PREP: variants seen among roughly 807,000 people sequenced by gnomAD.
PREP encodes prolyl endopeptidase, also known as dJ355L5.1 (prolyl endopeptidase).
PREP carries 29 observed loss-of-function variants against 87.6 expected under a neutral mutation model. That is an observed-to-expected ratio of 0.33 (90% CI 0.25 to 0.45). The LOEUF (loss-of-function observed/expected upper bound fraction) is 0.45. PREP is among the 20% of genes least tolerant of loss of function. The probability of loss-of-function intolerance (pLI) is 1.00; values close to 1 mark genes in which losing one functional copy is unlikely to be tolerated. For synonymous variants in PREP, 337 were observed against 328.6 expected (o/e 1.03, Z -0.28); for missense variants, 695 against 886.5 (o/e 0.78, Z 2.74).
intron 2 of PREP, among the ~76,000 whole-genome samples, chr6:105,392,524 G>C (rs1255391509): frequency 1.3e-5 from 2 of 152,006 alleles, no homozygotes; most frequent in African/African-American, 4.8e-5. Flanking sequence ...CTTACTTTTG[G>C]CGTTTAGTTT....
At chr6:105,329,765 G>A (rs994804458) in intron 8 of PREP, among the ~76,000 whole-genome samples, 3 of 152,226 alleles carry the variant, frequency 2.0e-5, no homozygotes, top group Non-Finnish European at 4.4e-5. Flanking sequence ...AGATGAGGTC[G>A]ATTCTGCTCG....
At chr6:105,314,736 A>T (rs1770826440) in intron 10 of PREP, among the ~76,000 whole-genome samples, 1 of 152,308 alleles carries the variant, frequency 6.6e-6, no homozygotes, top group Middle Eastern at 3.4e-3. Context: ...AACCTCTTCC[A>T]AACTCATGTT....
intron 11 of PREP, 25 bp downstream of exon 11, chr6:105,288,733 C>G (rs1344610454): frequency 6.2e-7 from 1 of 1,611,312 alleles, no homozygotes; most frequent in East Asian, 2.2e-5. Flanking sequence ...AAAATACTGG[C>G]ACTCTGAGTG....
intron 2 of PREP, among the ~76,000 whole-genome samples, chr6:105,393,066 A>G (rs867877951): frequency 6.6e-6 from 1 of 152,350 alleles, no homozygotes; most frequent in Middle Eastern, 3.4e-3. Flanking sequence ...TTTTCACAAG[A>G]GCAGAAAAGC....
intron 7 of PREP, among the ~76,000 whole-genome samples, chr6:105,343,327 T>G (rs1386909646): frequency 3.6e-4 from 55 of 152,310 alleles, no homozygotes; most frequent in African/African-American, 1.0e-3. Flanking sequence ...TAGCCATATG[T>G]AGAAAGCTGA....
At chr6:105,338,758 A>G (rs1448772040) in intron 7 of PREP, among the ~76,000 whole-genome samples, 1 of 152,218 alleles carries the variant, frequency 6.6e-6, no homozygotes, top group Non-Finnish European at 1.5e-5. Flanking sequence ...CCTGGCTCGG[A>G]GGGTCCCACG....
Position 105,326,500 on chromosome 6 carries a change from CAG to C in PREP, c.1213+2327_1213+2328del, listed in dbSNP as rs1213771954. On this transcript the variant is annotated intron_variant, in intron 9 of 14. Coordinates refer to ENST00000652536, the MANE Select transcript of PREP (RefSeq NM_002726.5). ...ACAAAGTCAGCTGGTGTGCACCTGC[CAG>C]AGTTATCAAATGTCTGCAGCAGGAA... is the stretch of plus-strand genomic sequence containing the variant. Among the ~76,000 whole-genome samples, 6 of 152,302 alleles carry C rather than the reference CAG, an allele frequency of 3.9e-5. No individual in the cohort carries two copies. In the East Asian group the frequency reaches 5.8e-4, roughly 15 times the overall value.
At chr6:105,348,878 CAA>C (rs1300160085) in intron 7 of PREP, among the ~76,000 whole-genome samples, 17 of 92,258 alleles carry the variant, frequency 1.8e-4, no homozygotes, top group Non-Finnish European at 1.6e-4. Context: ...GATTCCGTCT[CAA>C]AAAAAAAAAA....
chr6:105,348,092 C>T (rs969299180), intron 7 of PREP, among the ~76,000 whole-genome samples: 1 of 152,096 alleles, frequency 6.6e-6, no homozygotes, highest in African/African-American at 2.4e-5. Context: ...AACTAAAAAA[C>T]GTCATGCTAG....
chr6:105,401,138 A>G (rs1467036624), intron 1 of PREP, among the ~76,000 whole-genome samples: 2 of 152,220 alleles, frequency 1.3e-5, no homozygotes, highest in Non-Finnish European at 2.9e-5. Flanking sequence ...GTTGTTTATA[A>G]TCTTTTAGAC....
At chr6:105,290,177 G>A (rs1349121816) in intron 10 of PREP, among the ~76,000 whole-genome samples, 1 of 152,168 alleles carries the variant, frequency 6.6e-6, no homozygotes, top group Non-Finnish European at 1.5e-5. Flanking sequence ...AGGGGATACA[G>A]TTTTATTTAA....
At chr6:105,290,386 C>A (rs17546638) in intron 10 of PREP, among the ~76,000 whole-genome samples, 3 of 152,108 alleles carry the variant, frequency 2.0e-5, no homozygotes, top group African/African-American at 7.2e-5. Context: ...GCGAGCAAAC[C>A]GTCTCACATG....
chr6:105,339,348 G>T (rs2114666487), intron 7 of PREP, among the ~76,000 whole-genome samples: 1 of 152,182 alleles, frequency 6.6e-6, no homozygotes, highest in Non-Finnish European at 1.5e-5. Flanking sequence ...AAAACAAACA[G>T]AAAGGACACC....
At chr6:105,287,669 C>T (rs572320827) in intron 11 of PREP, among the ~76,000 whole-genome samples, 2 of 152,280 alleles carry the variant, frequency 1.3e-5, no homozygotes, top group South Asian at 2.1e-4. Context: ...AATTTATGTC[C>T]TGGTAGTCAC....
chr6:105,312,290 CAT>C (rs749185220), intron 10 of PREP, among the ~76,000 whole-genome samples: 5 of 152,146 alleles, frequency 3.3e-5, no homozygotes, highest in Non-Finnish European at 5.9e-5. Flanking sequence ...AATGTACACA[CAT>C]AGAGGCTAGG....
chr6:105,284,908 C>T (rs148404511), intron 12 of PREP, among the ~76,000 whole-genome samples: 23 of 152,276 alleles, frequency 1.5e-4, no homozygotes, highest in African/African-American at 5.3e-4. Flanking sequence ...CGGAATAAAA[C>T]TAGAAAAATG....
intron 10 of PREP, among the ~76,000 whole-genome samples, chr6:105,289,134 T>G (rs1347668420): frequency 2.0e-5 from 3 of 152,174 alleles, no homozygotes; most frequent in African/African-American, 7.2e-5. Flanking sequence ...ATTCCACAAC[T>G]ATCTTGCAGG....
intron 2 of PREP, among the ~76,000 whole-genome samples, chr6:105,393,266 G>A (rs1773204159): frequency 6.6e-6 from 1 of 152,090 alleles, no homozygotes; most frequent in African/African-American, 2.4e-5. Context: ...CTACCAGTAG[G>A]TCTTGGATTT....
intron 10 of PREP, among the ~76,000 whole-genome samples, chr6:105,316,863 A>C (rs368734343): frequency 2.7e-4 from 41 of 152,202 alleles, no homozygotes; most frequent in African/African-American, 8.2e-4. Flanking sequence ...TTCTGTAAGG[A>C]TCTACAAAGT....
Sources: allele counts gnomAD v4.1 joint callset (sites outside exome capture counted in the v4.1 genomes callset), GRCh38; gene constraint gnomAD v4.1.1; transcripts MANE v1.5; gene names NCBI Gene and HGNC (gene_info 2026-07-23, HGNC 2026-07-21).